Variants in TTC6 observed in about 807,000 individuals in gnomAD.
The protein encoded by TTC6 is tetratricopeptide repeat domain 6, also known as tetratricopeptide repeat protein 6.
In TTC6, 172 loss-of-function variants were observed where a neutral mutation model predicts 210.4. That is an observed-to-expected ratio of 0.82 (90% CI 0.72 to 0.93). The LOEUF (loss-of-function observed/expected upper bound fraction) is 0.93. Among genes scored for constraint, TTC6 ranks in the 40% least tolerant of loss-of-function variants. The pLI, the probability that TTC6 is intolerant of heterozygous loss-of-function variation, is 0.00. For missense variants in TTC6, 2,414 were observed against 2,318.1 expected, an observed-to-expected ratio of 1.04 and a Z score of -0.85; for synonymous variants, 804 against 819.6, an observed-to-expected ratio of 0.98 and a Z score of 0.32.
At chr14:37,789,296 CAG>C (rs1242271564) in intron 15 of TTC6, among the ~76,000 whole-genome samples, 2 of 151,356 alleles carry the variant, frequency 1.3e-5, no homozygotes, top group African/African-American at 4.9e-5. Context: ...AGCCATAGCA[CAG>C]AGAGGTTAAA....
At chr14:37,635,408 G>T (rs1295298282) in intron 1 of TTC6, among the ~76,000 whole-genome samples, 1 of 151,928 alleles carries the variant, frequency 6.6e-6, no homozygotes, top group Non-Finnish European at 1.5e-5. Flanking sequence ...CAAACAGAAA[G>T]AACAAAAAGA....
intron 11 of TTC6, 125 bp downstream of exon 13, chr14:37,749,526 G>T: frequency 9.0e-7 from 1 of 1,108,250 alleles, no homozygotes; most frequent in African/African-American, 1.6e-5. Context: ...TATTATAACA[G>T]TATAATTATT....
chr14:37,750,989 C>G (rs2095950156), intron 12 of TTC6, 64 bp from the exon 15 acceptor site: 4 of 1,117,296 alleles, frequency 3.6e-6, no homozygotes. Context: ...AGGGATTACT[C>G]TTAAAATTTT....
At chr14:37,784,558 C>T (rs1308806202) in intron 14 of TTC6, among the ~76,000 whole-genome samples, 1 of 152,072 alleles carries the variant, frequency 6.6e-6, no homozygotes. Flanking sequence ...ACACTGATGA[C>T]TCCTGACTCC....
At position 37,821,557 on chromosome 14, in the gene TTC6, T is replaced by A. The variant is rs763708743; in HGVS notation, c.4764-2190T>A. On this transcript the variant is annotated intron_variant, in intron 26 of 30. Coordinates refer to ENST00000553443, the Ensembl canonical transcript of TTC6. Reference sequence around the variant, plus strand: ...AGCCTTCTTAATGCTTCACTGTGGATTGTTGTGTGATCTTCTAGAAGAACA... The same window carrying A: ...AGCCTTCTTAATGCTTCACTGTGGAATGTTGTGTGATCTTCTAGAAGAACA... 2.6e-5 allele frequency among the ~76,000 whole-genome samples: 4 copies of A among 152,090 alleles called. No individual in the cohort carries two copies. In the South Asian group the frequency reaches 8.3e-4, roughly 32 times the overall value.
chr14:37,693,977 CAAA>C (rs869234705), intron 3 of TTC6, among the ~76,000 whole-genome samples: 2 of 97,844 alleles, frequency 2.0e-5, no homozygotes, highest in East Asian at 7.8e-4. Flanking sequence ...AAAACTACCA[CAAA>C]AACAAACAAA....
chr14:37,622,267 C>T, exon 1 of TTC6: 1 of 1,535,144 alleles, frequency 6.5e-7, no homozygotes, highest in Non-Finnish European at 8.7e-7. Context: ...GTTTCCTGCG[C>T]CGCAGCCCGG....
intron 29 of TTC6, 99 bp from the exon 32 acceptor site, chr14:37,841,346 A>G: frequency 1.0e-6 from 1 of 973,850 alleles, no homozygotes; most frequent in East Asian, 2.7e-5. Context: ...ACCTCTTGGT[A>G]TGCCACTGGC....
rs1334103898 is a variant in TTC6, at chr14:37,663,968, GAGAACT to G, written c.940-16181_940-16176del. ...AAGGGAAGTGAAGGACCTCTTCAAG[GAGAACT>G]ATAAACCACTGCTCAAAGAAATCAG... On this transcript the variant is annotated intron_variant, in intron 1 of 30. Coordinates refer to ENST00000553443, the Ensembl canonical transcript of TTC6. 3.6e-3 allele frequency among the ~76,000 whole-genome samples: 499 copies of G among 139,044 alleles called. 20 individuals carry two copies. The highest frequency in any genetic ancestry group is 6.4e-3 in the Non-Finnish European group (375 of 58,816). The allele number at this position is 139,044 out of a possible 152,430, so 91.2% of individuals were successfully genotyped here.
chr14:37,666,724 C>A (rs1409339837), intron 1 of TTC6, among the ~76,000 whole-genome samples: 2 of 150,118 alleles, frequency 1.3e-5, no homozygotes, highest in African/African-American at 4.8e-5. Flanking sequence ...TACACATATC[C>A]TTTGAGGGGA....
intron 3 of TTC6, among the ~76,000 whole-genome samples, chr14:37,684,278 G>A (rs2095789838): frequency 6.6e-6 from 1 of 152,092 alleles, no homozygotes; most frequent in Non-Finnish European, 1.5e-5. Flanking sequence ...CATTTCTCAA[G>A]CCCTGTTTTC....
chr14:37,669,685 C>A (rs150481530), intron 1 of TTC6, among the ~76,000 whole-genome samples: 100 of 152,148 alleles, frequency 6.6e-4, no homozygotes, highest in African/African-American at 2.3e-3. Context: ...CAAATGAATG[C>A]TGAATTTGTT....
intron 7 of TTC6, among the ~76,000 whole-genome samples, chr14:37,733,513 G>C (rs149123708): frequency 4.0e-4 from 61 of 152,264 alleles, no homozygotes; most frequent in African/African-American, 1.4e-3. Context: ...TATATTGGCA[G>C]ATGTTTTAAC....
At chr14:37,815,403 C>T (rs1952783) in intron 25 of TTC6, among the ~76,000 whole-genome samples, 151,286 of 152,232 alleles carry the variant, frequency 0.99, 75,181 homozygotes, top group Middle Eastern at 1. Flanking sequence ...TCATGGGGCA[C>T]TGGATTCTCA....
intron 14 of TTC6, among the ~76,000 whole-genome samples, chr14:37,786,677 C>T (rs2096068485): frequency 6.6e-6 from 1 of 152,232 alleles, no homozygotes; most frequent in Non-Finnish European, 1.5e-5. Context: ...AACCCGGTAC[C>T]TCAGTTGGAA....
chr14:37,605,157 G>A (rs768132251), intron 1 of TTC6, among the ~76,000 whole-genome samples: 1 of 152,220 alleles, frequency 6.6e-6, no homozygotes, highest in Non-Finnish European at 1.5e-5. Context: ...TCAGTGATTT[G>A]TCTGCTCAGA....
At chr14:37,693,075 G>A (rs1311119107) in intron 3 of TTC6, among the ~76,000 whole-genome samples, 2 of 151,850 alleles carry the variant, frequency 1.3e-5, no homozygotes, top group Non-Finnish European at 2.9e-5. Flanking sequence ...AGAAATAAAA[G>A]GCATCCAAAT....
chr14:37,734,201 C>T, intron 7 of TTC6, among the ~76,000 whole-genome samples: 1 of 152,134 alleles, frequency 6.6e-6, no homozygotes, highest in East Asian at 1.9e-4. Context: ...TCTGACTACC[C>T]TCGTGATAGA....
chr14:37,731,170 C>T (rs1486716611), intron 7 of TTC6, among the ~76,000 whole-genome samples: 2 of 152,146 alleles, frequency 1.3e-5, no homozygotes, highest in Admixed American at 1.3e-4. Flanking sequence ...CTGATCAATA[C>T]GTAACCTTGC....
Sources: gnomAD v4.1 joint callset for allele counts (sites outside exome capture counted in the v4.1 genomes callset) on GRCh38, gnomAD v4.1.1 for gene constraint, MANE v1.5 for transcripts, NCBI Gene and HGNC (gene_info 2026-07-23, HGNC 2026-07-21) for gene names.